Variants in PLEKHM3 observed in about 807,000 individuals in gnomAD.
PLEKHM3 encodes the protein pleckstrin homology domain containing M3, also known as pleckstrin homology domain-containing family M member 3.
In PLEKHM3, 45 loss-of-function variants were observed where a neutral mutation model predicts 81.8. The observed-to-expected ratio is 0.55, with a 90% confidence interval of 0.43 to 0.71. PLEKHM3 has a LOEUF of 0.71. PLEKHM3 is among the 30% of genes least tolerant of loss of function. The probability of loss-of-function intolerance (pLI) is 0.00; values close to 1 mark genes in which losing one functional copy is unlikely to be tolerated. For synonymous variants in PLEKHM3, 352 were observed against 356.4 expected (o/e 0.99, Z 0.14); for missense variants, 788 against 924.3 (o/e 0.85, Z 1.91).
rs767180412 is a variant in PLEKHM3 at position 207,977,450 on chromosome 2, C to T, written c.747G>A (p.Gly249=). ...GGTACGTGGCATAAAGGTTTTGATT[C>T]CCACTGCTGTCGAGGCTGTAGAAGT... ...NLYFYSLDSS[G]NQNLYATYQL... The change falls in exon 3 of 8, where the codon GGG becomes GGA. Residue 249 remains glycine (G), a synonymous_variant. Coordinates refer to ENST00000427836, the MANE Select transcript of PLEKHM3 (RefSeq NM_001080475.3). 6.2e-7 allele frequency: 1 copy of T among 1,614,198 alleles called. No individual in the cohort carries two copies. The highest frequency in any genetic ancestry group is 8.5e-7 in the Non-Finnish European group (1 of 1,180,034).
At chr2:207,881,393 G>C (rs944158872) in intron 6 of PLEKHM3, among the ~76,000 whole-genome samples, 4 of 152,138 alleles carry the variant, frequency 2.6e-5, no homozygotes, top group Admixed American at 2.6e-4. Flanking sequence ...AACACTGGCA[G>C]CTAGCCTCCG....
intron 5 of PLEKHM3, among the ~76,000 whole-genome samples, chr2:207,926,286 A>AT (rs1365630254): frequency 3.3e-5 from 5 of 152,136 alleles, no homozygotes; most frequent in Admixed American, 6.6e-5. Context: ...AAAACTCCTG[A>AT]TTTTTTTAAA....
At chr2:207,864,518 T>G (rs1193635781) in intron 6 of PLEKHM3, among the ~76,000 whole-genome samples, 1 of 152,162 alleles carries the variant, frequency 6.6e-6, no homozygotes, top group African/African-American at 2.4e-5. Flanking sequence ...ATAGTCCATT[T>G]AGGGGGAAAC....
chr2:207,965,006 T>C (rs1045226007), intron 3 of PLEKHM3, among the ~76,000 whole-genome samples: 1 of 152,204 alleles, frequency 6.6e-6, no homozygotes, highest in Non-Finnish European at 1.5e-5. Flanking sequence ...AGTGGATATA[T>C]TTTAAAATGG....
rs116662803 is a variant in PLEKHM3 at position 207,960,230 on chromosome 2, C to T, written c.1547-13718G>A. On this transcript the variant is annotated intron_variant, in intron 3 of 7. Coordinates refer to ENST00000427836, the MANE Select transcript of PLEKHM3 (RefSeq NM_001080475.3). ...GACTGCTGAGTTAAGAAGAAGGACC[C>T]GGGCATGCTCAGCTTGGCCTTCAGG... Among the ~76,000 whole-genome samples, 1,033 of 152,248 alleles carry T rather than the reference C, an allele frequency of 6.8e-3. 9 individuals are homozygous for T. Among genetic ancestry groups the T allele is most frequent in the African/African-American group, 0.022 (931 of 41,544 alleles).
At chr2:207,832,836 G>T (rs1334304543) in intron 7 of PLEKHM3, among the ~76,000 whole-genome samples, 1 of 151,474 alleles carries the variant, frequency 6.6e-6, no homozygotes, top group Non-Finnish European at 1.5e-5. Flanking sequence ...ATTGGGCTGG[G>T]TGCGGTGGCT....
chr2:207,900,439 C>T (rs1354143846), intron 6 of PLEKHM3: 3 of 152,222 alleles, frequency 2.0e-5, no homozygotes, highest in Non-Finnish European at 4.4e-5. Flanking sequence ...CAGACCTGCC[C>T]AAATTCGGGG....
In PLEKHM3 at chr2:207,965,674, G is replaced by A. The variant is rs1421750303; in HGVS notation, c.1546+10977C>T. 2.6e-5 allele frequency among the ~76,000 whole-genome samples: 4 copies of A among 152,168 alleles called. No individual in the cohort carries two copies. In the East Asian group the frequency reaches 5.8e-4, roughly 22 times the overall value. ...TATAACATTCTTCTTCCATAGACTC[G>A]CATTACTGCTTTAGTATGTATTCAT... On this transcript the variant is annotated intron_variant, in intron 3 of 7. Coordinates refer to ENST00000427836, the MANE Select transcript of PLEKHM3 (RefSeq NM_001080475.3).
At chr2:207,960,862 GACTTCTCTTT>G (rs1690705359) in intron 3 of PLEKHM3, among the ~76,000 whole-genome samples, 2 of 152,272 alleles carry the variant, frequency 1.3e-5, no homozygotes, top group Non-Finnish European at 2.9e-5. Flanking sequence ...GCCATAAGAC[GACTTCTCTTT>G]ATCTAAGAGA....
intron 5 of PLEKHM3, among the ~76,000 whole-genome samples, chr2:207,918,023 A>C (rs1283458245): frequency 6.6e-6 from 1 of 152,170 alleles, no homozygotes; most frequent in African/African-American, 2.4e-5. Flanking sequence ...TGATTCTACC[A>C]GCTCATTTAG....
intron 1 of PLEKHM3, among the ~76,000 whole-genome samples, chr2:208,013,386 C>T (rs1020642444): frequency 6.6e-6 from 1 of 152,004 alleles, no homozygotes; most frequent in Non-Finnish European, 1.5e-5. Flanking sequence ...CATGGTGGCG[C>T]GTGCCTGTAG....
chr2:207,900,862 CTA>C, intron 6 of PLEKHM3: 1 of 174,180 alleles, frequency 5.7e-6, no homozygotes, highest in Non-Finnish European at 1.2e-5. Flanking sequence ...TAACCTTACT[CTA>C]TATCTTTAAG....
At chr2:207,886,172 G>T (rs1407063744) in intron 6 of PLEKHM3, among the ~76,000 whole-genome samples, 1 of 152,058 alleles carries the variant, frequency 6.6e-6, no homozygotes, top group African/African-American at 2.4e-5. Flanking sequence ...TTTAAAAACA[G>T]GAATATTTTA....
chr2:207,993,482 G>C (rs1691965196), intron 2 of PLEKHM3, among the ~76,000 whole-genome samples: 1 of 149,178 alleles, frequency 6.7e-6, no homozygotes, highest in Non-Finnish European at 1.5e-5. Context: ...AGTCATTTTA[G>C]TATAAGTCCC....
intron 1 of PLEKHM3, among the ~76,000 whole-genome samples, chr2:208,009,759 A>G (rs1692625180): frequency 6.6e-6 from 1 of 152,240 alleles, no homozygotes; most frequent in South Asian, 2.1e-4. Context: ...TGCCAAATGA[A>G]TAACTGAATA....
chr2:207,913,725 T>C (rs1406544122), intron 5 of PLEKHM3, among the ~76,000 whole-genome samples: 1 of 78,590 alleles, frequency 1.3e-5, no homozygotes, highest in Non-Finnish European at 3.5e-5. Flanking sequence ...AAGAAAGGAT[T>C]TTTTTTTTTC....
intron 4 of PLEKHM3, among the ~76,000 whole-genome samples, chr2:207,942,750 A>AAG (rs1689986406): frequency 6.6e-6 from 1 of 151,902 alleles, no homozygotes; most frequent in Non-Finnish European, 1.5e-5. Context: ...AAATACAAAA[A>AAG]CTAGCTGGGT....
chr2:207,984,540 C>T (rs1691651325), intron 2 of PLEKHM3, among the ~76,000 whole-genome samples: 1 of 152,048 alleles, frequency 6.6e-6, no homozygotes, highest in Admixed American at 6.6e-5. Context: ...GCCACCACAC[C>T]CAGCTGGTTT....
At chr2:208,004,620 T>G (rs865901585) in intron 1 of PLEKHM3, among the ~76,000 whole-genome samples, 2 of 152,044 alleles carry the variant, frequency 1.3e-5, no homozygotes, top group African/African-American at 4.8e-5. Flanking sequence ...GCTCTTAAAC[T>G]TGCAGACAAG....
Sources: gnomAD v4.1 joint callset for allele counts (sites outside exome capture counted in the v4.1 genomes callset) on GRCh38, gnomAD v4.1.1 for gene constraint, MANE v1.5 for transcripts, NCBI Gene and HGNC (gene_info 2026-07-23, HGNC 2026-07-21) for gene names.